The following PRKN variants were observed in gnomAD, a reference collection of about 807,000 sequenced individuals.
The protein encoded by PRKN is parkin RBR E3 ubiquitin protein ligase, also known as E3 ubiquitin-protein ligase parkin.
A neutral mutation model predicts 59.5 loss-of-function variants in PRKN; 56 were observed. The observed-to-expected ratio is 0.94, with a 90% confidence interval of 0.76 to 1.18. The LOEUF is 1.18. Ranked by LOEUF, PRKN falls within the 50% of genes most tolerant of loss-of-function variation. The pLI is 0.00. For missense variants in PRKN, 657 were observed against 596.4 expected (o/e 1.10, Z -1.06); for synonymous variants, 250 against 222.1 (o/e 1.13, Z -1.12).
At chr6:162,555,651 G>C (rs1457261979) in intron 1 of PRKN, among the ~76,000 whole-genome samples, 1 of 151,678 alleles carries the variant, frequency 6.6e-6, no homozygotes, top group Non-Finnish European at 1.5e-5. Flanking sequence ...AAAAATTTAA[G>C]TTTCATCTAT....
At chr6:162,419,539 A>G (rs973231572) in intron 2 of PRKN, among the ~76,000 whole-genome samples, 9 of 109,140 alleles carry the variant, frequency 8.2e-5, no homozygotes, top group Non-Finnish European at 1.1e-4. Flanking sequence ...CAGCAGGTGC[A>G]GGGTCAACAA....
chr6:161,831,622 T>C (rs570006646), intron 6 of PRKN, among the ~76,000 whole-genome samples: 86 of 152,326 alleles, frequency 5.6e-4, no homozygotes, highest in African/African-American at 2.0e-3. Flanking sequence ...AGAAATGTTC[T>C]TTGCCTCTCT....
At position 162,713,036 on chromosome 6, in the gene PRKN, C is replaced by T. The variant is rs544308254; in HGVS notation, c.7+14626G>A. Among the ~76,000 whole-genome samples, 5 of 152,212 alleles carry T rather than the reference C, an allele frequency of 3.3e-5. No homozygotes were observed. The South Asian group carries it at 8.3e-4, about 25-fold the overall frequency. On this transcript the variant is annotated intron_variant, in intron 1 of 11. Transcript: ENST00000366898. ...AGATGCTGTAATATTATAGTTTGAA[C>T]GGAAGGGTGATTTGAGATGTGAAAG... is the stretch of plus-strand genomic sequence containing the variant.
intron 5 of PRKN, among the ~76,000 whole-genome samples, chr6:162,048,362 G>A (rs1297680469): frequency 1.3e-5 from 2 of 151,744 alleles, no homozygotes; most frequent in African/African-American, 4.8e-5. Context: ...ACTGTCAGGT[G>A]TGAGGGAACA....
At chr6:161,752,231 G>A (rs1298395116) in intron 7 of PRKN, among the ~76,000 whole-genome samples, 2 of 152,106 alleles carry the variant, frequency 1.3e-5, no homozygotes, top group Non-Finnish European at 2.9e-5. Flanking sequence ...CTAGCTGGGT[G>A]TGATAGCACG....
intron 6 of PRKN, among the ~76,000 whole-genome samples, chr6:161,788,534 G>T (rs1009263382): frequency 1.3e-5 from 2 of 152,174 alleles, no homozygotes; most frequent in African/African-American, 4.8e-5. Context: ...TGAAAACTAA[G>T]CTACAGCTGC....
rs1223236936 is a variant in PRKN at position 161,544,905 on chromosome 6, T to C, written c.1083+3949A>G. Among the ~76,000 whole-genome samples, 2 of 152,156 alleles carry C rather than the reference T, an allele frequency of 1.3e-5. No homozygotes were observed. The highest frequency in any genetic ancestry group is 4.8e-5 in the African/African-American group (2 of 41,414). ...GAACAAAAGAGTCATAAATACTAACTATAGCACCTATTTTACAGAAGCTGA... is the reference window on the plus strand; with the variant it reads ...GAACAAAAGAGTCATAAATACTAACCATAGCACCTATTTTACAGAAGCTGA... On this transcript the variant is annotated intron_variant, in intron 9 of 11. Transcript: ENST00000366898. This position sits in a 1 kb window ranked among gnomAD's most constrained non-coding sequence, Gnocchi z 5.5.
intron 4 of PRKN, among the ~76,000 whole-genome samples, chr6:162,107,443 C>T (rs374590007): frequency 1.4e-3 from 216 of 152,228 alleles, no homozygotes; most frequent in African/African-American, 5.0e-3. Context: ...CCAGCCTGGG[C>T]GACAGAGCGA....
chr6:162,173,550 T>A (rs1418408166), intron 4 of PRKN, among the ~76,000 whole-genome samples: 24 of 126,964 alleles, frequency 1.9e-4, no homozygotes, highest in South Asian at 1.0e-3. Context: ...TTTTTTTTTT[T>A]AAATTAAACA....
At chr6:162,224,667 A>C (rs1463175952) in intron 3 of PRKN, among the ~76,000 whole-genome samples, 2 of 149,992 alleles carry the variant, frequency 1.3e-5, no homozygotes, top group Non-Finnish European at 2.9e-5. Context: ...TTCTGGAAGG[A>C]ATCTATCTTG....
chr6:162,116,499 C>T (rs1366071485), intron 4 of PRKN, among the ~76,000 whole-genome samples: 3 of 152,272 alleles, frequency 2.0e-5, no homozygotes, highest in South Asian at 2.1e-4. Context: ...CTTTTTGTCA[C>T]GCCCTTTTCA....
At chr6:162,301,966 A>G (rs1781980559) in intron 2 of PRKN, among the ~76,000 whole-genome samples, 1 of 152,152 alleles carries the variant, frequency 6.6e-6, no homozygotes, top group South Asian at 2.1e-4. Flanking sequence ...CTGTTAGACT[A>G]AACTTGTATC....
At chr6:161,472,584 C>T (rs1790848761) in intron 9 of PRKN, among the ~76,000 whole-genome samples, 1 of 152,058 alleles carries the variant, frequency 6.6e-6, no homozygotes, top group African/African-American at 2.4e-5. Context: ...GAAACCCCAT[C>T]GCCTTGGCAA....
chr6:162,303,188 T>C (rs556979412), intron 2 of PRKN, among the ~76,000 whole-genome samples: 4 of 152,300 alleles, frequency 2.6e-5, no homozygotes, highest in African/African-American at 7.2e-5. Flanking sequence ...TCTAGCAGCA[T>C]TTACATCAAC....
rs969478566 is a variant in PRKN, at chr6:161,458,176, A to G, written c.1084-71299T>C. On this transcript the variant is annotated intron_variant, in intron 9 of 11. Coordinates refer to ENST00000366898, the MANE Select transcript of PRKN (RefSeq NM_004562.3). This position sits in a 1 kb window ranked among gnomAD's most constrained non-coding sequence, Gnocchi z 6.1. ...AGAAAACCTTTGGGTTTGACAGAAC[A>G]TAAATAAATCTTAGTGCAGCTGCTT... Among the ~76,000 whole-genome samples, 9 of 152,254 alleles carry G rather than the reference A, an allele frequency of 5.9e-5. No individual in the cohort carries two copies. The highest frequency in any genetic ancestry group is 1.7e-4 in the African/African-American group (7 of 41,464).
intron 7 of PRKN, among the ~76,000 whole-genome samples, chr6:161,627,680 C>A (rs1783144029): frequency 6.6e-6 from 1 of 152,180 alleles, no homozygotes; most frequent in African/African-American, 2.4e-5. Flanking sequence ...TATGTTTGAT[C>A]CCCAATTCAG....
At chr6:162,518,514 G>C (rs534584331) in intron 1 of PRKN, among the ~76,000 whole-genome samples, 1 of 152,162 alleles carries the variant, frequency 6.6e-6, no homozygotes, top group Admixed American at 6.6e-5. Flanking sequence ...TTACGGGCGG[G>C]TGCCACCACG....
chr6:162,198,962 T>C (rs1253041468), intron 4 of PRKN, among the ~76,000 whole-genome samples: 1 of 152,184 alleles, frequency 6.6e-6, no homozygotes, highest in Non-Finnish European at 1.5e-5. Context: ...TATTATTAAA[T>C]GAGAAATCCC....
At chr6:161,767,448 C>T (rs1367954007) in intron 7 of PRKN, among the ~76,000 whole-genome samples, 3 of 150,510 alleles carry the variant, frequency 2.0e-5, no homozygotes, top group African/African-American at 7.3e-5. Context: ...GCCCGGGAGG[C>T]GGAGCTTGCA....
Sources: allele counts gnomAD v4.1 joint callset (sites outside exome capture counted in the v4.1 genomes callset), GRCh38; gene constraint gnomAD v4.1.1; non-coding constraint Gnocchi (gnomAD v3.1); transcripts MANE v1.5; gene names NCBI Gene and HGNC (gene_info 2026-07-23, HGNC 2026-07-21).